Variants in PLCG2 observed in about 807,000 individuals in gnomAD.
PLCG2 encodes 1-phosphatidylinositol 4,5-bisphosphate phosphodiesterase gamma-2.
PLCG2 carries 69 observed loss-of-function variants against 175.6 expected under a neutral mutation model. The ratio of observed to expected loss-of-function variants is 0.39; its 90% CI spans 0.32 to 0.48. PLCG2 has a LOEUF of 0.48. Ranked by LOEUF, PLCG2 falls within the 20% of genes least tolerant of loss-of-function variation. The pLI, the probability that PLCG2 is intolerant of heterozygous loss-of-function variation, is 0.91. For synonymous variants in PLCG2, 827 were observed against 624.0 expected (o/e 1.33, Z -4.85); for missense variants, 1,798 against 1,650.9 (o/e 1.09, Z -1.54).
chr16:81,851,024 TGTA>T (rs1165770145), intron 2 of PLCG2, among the ~76,000 whole-genome samples: 2 of 152,158 alleles, frequency 1.3e-5, no homozygotes, highest in Non-Finnish European at 2.9e-5. Flanking sequence ...CCAGCCAGCT[TGTA>T]GTAGAAGTCC....
At chr16:81,788,030 T>A (rs1911060967) in intron 2 of PLCG2, among the ~76,000 whole-genome samples, 3 of 152,222 alleles carry the variant, frequency 2.0e-5, no homozygotes, top group African/African-American at 4.8e-5. Flanking sequence ...TAAGAATGTT[T>A]CTCTACAAGT....
At chr16:81,835,498 A>G (rs1330061851) in intron 2 of PLCG2, among the ~76,000 whole-genome samples, 5 of 152,112 alleles carry the variant, frequency 3.3e-5, no homozygotes, top group Admixed American at 2.6e-4. Flanking sequence ...AGAATCGCTT[A>G]AACCTGGGAG....
chr16:81,777,728 A>G (rs867867234), upstream of PLCG2, among the ~76,000 whole-genome samples: 1 of 152,090 alleles, frequency 6.6e-6, no homozygotes, highest in African/African-American at 2.4e-5. Flanking sequence ...AAAAAACGCT[A>G]TAACAGGCCG....
intron 1 of PLCG2, among the ~76,000 whole-genome samples, chr16:81,779,966 CGT>C (rs1910656971): frequency 6.6e-6 from 1 of 152,198 alleles, no homozygotes; most frequent in Admixed American, 6.5e-5. Flanking sequence ...CGTAATTATG[CGT>C]GTGTCTGTGC....
At chr16:81,762,337 G>A (rs1000095507) in intron 2 of PLCG2, among the ~76,000 whole-genome samples, 1 of 152,122 alleles carries the variant, frequency 6.6e-6, no homozygotes, top group Non-Finnish European at 1.5e-5. Context: ...GGGAGGTCAA[G>A]GTAGGCGGAT....
Position 81,959,822 on chromosome 16 carries a change from C to G in PLCG2, c.*1824C>G, listed in dbSNP as rs1268689699. The stretch of plus-strand genomic sequence containing the variant: ...TGGCATCTCCCCCAACCCCTCTCAG[C>G]TCTGTTAGGACTTCCACACAGCAGA... On this transcript the variant is annotated 3_prime_UTR_variant, in exon 33 of 33. Coordinates refer to ENST00000564138, the MANE Select transcript of PLCG2 (RefSeq NM_002661.5). 5.4e-6 allele frequency: 1 copy of G among 186,244 alleles called. No individual in the cohort carries two copies. Among genetic ancestry groups the G allele is most frequent in the Non-Finnish European group, 1.1e-5 (1 of 88,172 alleles). The allele number at this position is 186,244 out of a possible 1,614,324, so 11.5% of individuals were successfully genotyped here.
intron 2 of PLCG2, among the ~76,000 whole-genome samples, chr16:81,819,030 T>C (rs1904678488): frequency 1.3e-5 from 2 of 152,006 alleles, no homozygotes; most frequent in Non-Finnish European, 2.9e-5. Flanking sequence ...GTGTAACTCC[T>C]TCAATTTGCA....
At chr16:81,924,367 G>C (rs938125785) in intron 22 of PLCG2, among the ~76,000 whole-genome samples, 2 of 152,266 alleles carry the variant, frequency 1.3e-5, no homozygotes, top group Non-Finnish European at 2.9e-5. Context: ...AGCATGCATG[G>C]AGTGCTTCTA....
At chr16:81,802,852 C>T (rs955740343) in intron 2 of PLCG2, among the ~76,000 whole-genome samples, 1 of 152,168 alleles carries the variant, frequency 6.6e-6, no homozygotes, top group Non-Finnish European at 1.5e-5. Flanking sequence ...GAAATTAATA[C>T]TTTTATTGAG....
chr16:81,740,393 C>A (rs1294503056), intron 1 of PLCG2: 1 of 152,116 alleles, frequency 6.6e-6, no homozygotes, highest in African/African-American at 2.4e-5. Flanking sequence ...AGCACGTGAC[C>A]CCAGCAAATG....
chr16:81,747,395 C>T (rs751327079), intron 1 of PLCG2, among the ~76,000 whole-genome samples: 4 of 152,022 alleles, frequency 2.6e-5, no homozygotes, highest in Non-Finnish European at 5.9e-5. Context: ...ACTAGCCTGG[C>T]GTGATGGTGG....
intron 1 of PLCG2, among the ~76,000 whole-genome samples, chr16:81,784,910 G>A (rs1364548657): frequency 1.3e-5 from 2 of 152,076 alleles, no homozygotes; most frequent in Non-Finnish European, 2.9e-5. Context: ...GGATTTGGGA[G>A]GCAGAATGAG....
chr16:81,839,023 A>G (rs1045603876), intron 2 of PLCG2, among the ~76,000 whole-genome samples: 2 of 152,050 alleles, frequency 1.3e-5, no homozygotes, highest in African/African-American at 4.8e-5. Context: ...TCACAGAACC[A>G]AGCCGAGGGT....
chr16:81,758,655 A>G (rs1317186643), intron 2 of PLCG2, among the ~76,000 whole-genome samples: 1 of 150,174 alleles, frequency 6.7e-6, no homozygotes, highest in Non-Finnish European at 1.5e-5. Context: ...ATCCTCACCA[A>G]TACTTGTTAT....
At chr16:81,821,091 C>T (rs1904778377) in intron 2 of PLCG2, among the ~76,000 whole-genome samples, 2 of 152,234 alleles carry the variant, frequency 1.3e-5, no homozygotes, top group African/African-American at 4.8e-5. Flanking sequence ...AGGGTCTCAT[C>T]ATGTTGGCTA....
intron 5 of PLCG2, among the ~76,000 whole-genome samples, chr16:81,867,960 A>G (rs948246850): frequency 1.3e-5 from 2 of 151,974 alleles, no homozygotes; most frequent in African/African-American, 4.8e-5. Context: ...CAGCCTCCCA[A>G]AGTGCTGGGA....
At chr16:81,888,446 C>G (rs1271784983) in intron 9 of PLCG2, among the ~76,000 whole-genome samples, 1 of 152,196 alleles carries the variant, frequency 6.6e-6, no homozygotes, top group South Asian at 2.1e-4. Context: ...AGGCTGGTCT[C>G]AAACTCCTGA....
intron 7 of PLCG2, among the ~76,000 whole-genome samples, chr16:81,875,380 A>T (rs1256709739): frequency 6.6e-6 from 1 of 152,208 alleles, no homozygotes. Flanking sequence ...ACTTTGCTGA[A>T]GGCCTGTTTA....
chr16:81,817,499 C>A (rs1297309103), intron 2 of PLCG2, among the ~76,000 whole-genome samples: 2 of 152,318 alleles, frequency 1.3e-5, no homozygotes, highest in South Asian at 4.1e-4. Context: ...GTTTTAAACG[C>A]CTTTTGTCAG....
Sources: gnomAD v4.1 joint callset for allele counts (sites outside exome capture counted in the v4.1 genomes callset) on GRCh38, gnomAD v4.1.1 for gene constraint, MANE v1.5 for transcripts, NCBI Gene and HGNC (gene_info 2026-07-23, HGNC 2026-07-21) for gene names.